Variants in GPT2 observed in about 807,000 individuals in gnomAD.
GPT2 encodes the protein glutamic--pyruvic transaminase 2.
In GPT2, 30 loss-of-function variants were observed where a neutral mutation model predicts 56.9. The ratio of observed to expected loss-of-function variants is 0.53; its 90% CI spans 0.39 to 0.72. GPT2 has a LOEUF of 0.72. Among genes scored for constraint, GPT2 ranks in the 30% least tolerant of loss-of-function variants. The probability of loss-of-function intolerance (pLI) is 0.00; values close to 1 mark genes in which losing one functional copy is unlikely to be tolerated. For synonymous variants in GPT2, 271 were observed against 283.1 expected (o/e 0.96, Z 0.43); for missense variants, 542 against 703.4 (o/e 0.77, Z 2.60).
intron 5 of GPT2, among the ~76,000 whole-genome samples, chr16:46,908,265 G>A (rs1282887411): frequency 6.7e-6 from 1 of 149,514 alleles, no homozygotes; most frequent in Non-Finnish European, 1.5e-5. Flanking sequence ...TCCCGGTGGG[G>A]GACTGGTGGA....
At chr16:46,926,567 G>A (rs916808755) in intron 10 of GPT2, among the ~76,000 whole-genome samples, 23 of 152,188 alleles carry the variant, frequency 1.5e-4, no homozygotes, top group Non-Finnish European at 2.2e-4. Flanking sequence ...AGAGAAGCTC[G>A]TTCCATGAAA....
rs767029665 is a variant in GPT2 at position 46,928,897 on chromosome 16, C to G, written c.1482-10C>G. 1 of 1,609,542 alleles carries G rather than the reference C, an allele frequency of 6.2e-7. No individual in the cohort carries two copies. The highest frequency in any genetic ancestry group is 8.5e-7 in the Non-Finnish European group (1 of 1,175,852). ...AGCAGCCAGGCTGACACTGTTGTCT[C>G]TCCTGCCAGGATGACTATCCTCCCT... On this transcript the variant is annotated splice_polypyrimidine_tract_variant and intron_variant, in intron 11 of 11. Transcript: ENST00000340124.
chr16:46,921,611 C>A (rs1247832079), intron 8 of GPT2, among the ~76,000 whole-genome samples: 1 of 152,116 alleles, frequency 6.6e-6, no homozygotes, highest in African/African-American at 2.4e-5. Context: ...ACGTTTGCAG[C>A]CACACACCAG....
At chr16:46,907,951 G>T (rs529308318) in intron 5 of GPT2, among the ~76,000 whole-genome samples, 87 of 152,166 alleles carry the variant, frequency 5.7e-4, no homozygotes, top group Non-Finnish European at 9.1e-4. Context: ...CCTGGGCTTG[G>T]GGGACTGGTG....
chr16:46,921,533 G>T (rs897110332), intron 8 of GPT2, among the ~76,000 whole-genome samples: 1 of 152,084 alleles, frequency 6.6e-6, no homozygotes, highest in African/African-American at 2.4e-5. Context: ...TGGGGGTGGG[G>T]GATGCATGGA....
Position 46,922,284 on chromosome 16 carries a change from C to T in GPT2, c.1080C>T (p.His360=). 6.2e-7 allele frequency: 1 copy of T among 1,614,130 alleles called. No homozygotes were observed. The highest frequency in any genetic ancestry group is 1.3e-5 in the African/African-American group (1 of 75,054). Residue 360 remains histidine, a synonymous_variant, in exon 9 of 12, where the codon CAC becomes CAT. Transcript: ENST00000340124. ...GCTACATGGAGGTGATCAACCTGCACCCTGAGATCAAGGGCCAGCTGGTGA... is the reference window on the plus strand; with the variant it reads ...GCTACATGGAGGTGATCAACCTGCATCCTGAGATCAAGGGCCAGCTGGTGA... ...RGGYMEVINL[H]PEIKGQLVKL...
intron 11 of GPT2, among the ~76,000 whole-genome samples, 183 bp downstream of exon 11, chr16:46,927,220 T>A (rs578156355): frequency 1.3e-5 from 2 of 152,220 alleles, no homozygotes; most frequent in South Asian, 4.1e-4. Flanking sequence ...ATTAAGAAAA[T>A]CTGGGTGGTT....
chr16:46,887,663 T>C (rs1960510422), intron 2 of GPT2, among the ~76,000 whole-genome samples: 1 of 151,892 alleles, frequency 6.6e-6, no homozygotes, highest in African/African-American at 2.4e-5. Flanking sequence ...CCTTGGGGAC[T>C]CAGGGTGACT....
intron 3 of GPT2, among the ~76,000 whole-genome samples, chr16:46,899,184 C>T (rs1406996973): frequency 3.3e-5 from 5 of 151,580 alleles, no homozygotes; most frequent in Non-Finnish European, 1.5e-5. Context: ...AGGTGTATGC[C>T]ACCACACCCA....
At position 46,900,693 on chromosome 16, in the gene GPT2, A is replaced by G. The variant is rs913543724; in HGVS notation, c.345A>G (p.Leu115=). ...TCTTGTTCCCCCAGGTGATGGCACT[A>G]TGCACCTACCCAAACCTGCTGGACA... ...PITFLRQVMA[L]CTYPNLLDSP... Residue 115 remains leucine (L), a synonymous_variant, in exon 4 of 12, where the codon CTA becomes CTG. Transcript: ENST00000340124. The G allele has an allele frequency of 2.9e-5, 47 of 1,613,520 alleles. No homozygotes were observed. Among genetic ancestry groups the G allele is most frequent in the African/African-American group, 4.0e-5 (3 of 74,850 alleles).
chr16:46,884,822 A>G lies in GPT2; in HGVS notation c.107A>G (p.Lys36Arg). ...GCCGCCGAGGCCTCGGCGGTGCTCA[A>G]GGTGCGGCCCGAGCGCAGCCGGCGC... ...SAAAEASAVLKVRPERSRRER... is the reference protein window; with the variant it reads ...SAAAEASAVLRVRPERSRRER... The change falls in exon 2 of 12, where the codon AAG (lysine) becomes AGG (arginine). Residue 36 changes from lysine to arginine, a missense_variant. Lys to Arg is a conservative substitution (Grantham distance 26, BLOSUM62 2). Transcript: ENST00000340124. 2.0e-6 allele frequency: 3 copies of G among 1,535,440 alleles called. No homozygotes were observed. Among genetic ancestry groups the G allele is most frequent in the Non-Finnish European group, 2.6e-6 (3 of 1,141,502 alleles).
In GPT2 at chr16:46,929,291, T is replaced by C. The variant is rs1254225123; in HGVS notation, c.*294T>C. On this transcript the variant is annotated 3_prime_UTR_variant, in exon 12 of 12. Transcript: ENST00000340124. ...GCTTCTGGAAAGTTCATTTGGGGTTTACAACAACTAGGATGTGTTGGGTGA... is the reference window on the plus strand; with the variant it reads ...GCTTCTGGAAAGTTCATTTGGGGTTCACAACAACTAGGATGTGTTGGGTGA... 5.3e-6 allele frequency: 2 copies of C among 380,650 alleles called. No homozygotes were observed. Among genetic ancestry groups the C allele is most frequent in the South Asian group, 6.6e-5 (2 of 30,502 alleles). 23.6% of individuals were successfully genotyped at this position (380,650 alleles called of 1,614,324 possible).
intron 7 of GPT2, 83 bp downstream of exon 7, chr16:46,916,790 A>G: frequency 1.1e-6 from 1 of 941,186 alleles, no homozygotes; most frequent in South Asian, 1.3e-5. Flanking sequence ...TTCTGCAGCC[A>G]GAGAGAACTG....
At chr16:46,924,688 C>A in intron 10 of GPT2, 144 bp downstream of exon 10, 1 of 835,456 alleles carries the variant, frequency 1.2e-6, no homozygotes, top group Non-Finnish European at 1.9e-6. Context: ...GGGTGTTGAC[C>A]GTGTAAAGAT....
chr16:46,913,553 A>G (rs1377528423), intron 6 of GPT2, among the ~76,000 whole-genome samples: 1 of 152,208 alleles, frequency 6.6e-6, no homozygotes, highest in Non-Finnish European at 1.5e-5. Flanking sequence ...GCAGAAGAAA[A>G]GTTGGTCCGT....
rs1014507490 is a variant in GPT2 at position 46,929,964 on chromosome 16, C to T, written c.*967C>T. 1 of 152,642 alleles carries T rather than the reference C, an allele frequency of 6.6e-6. No individual in the cohort carries two copies. Among genetic ancestry groups the T allele is most frequent in the Admixed American group, 6.5e-5 (1 of 15,276 alleles). The allele number at this position is 152,642 out of a possible 1,614,324, so 9.5% of individuals were successfully genotyped here. ...CACAAGGGCAATCCCCGGGACCTGC[C>T]GAGCAGCCAAGGCCCTGTCCTTTCT... On this transcript the variant is annotated 3_prime_UTR_variant, in exon 12 of 12. Coordinates refer to ENST00000340124, the MANE Select transcript of GPT2 (RefSeq NM_133443.4).
intron 10 of GPT2, among the ~76,000 whole-genome samples, chr16:46,925,700 T>C (rs551451586): frequency 6.6e-6 from 1 of 152,158 alleles, no homozygotes; most frequent in South Asian, 2.1e-4. Flanking sequence ...GGTGCATGCC[T>C]GTGGTCCCAG....
Position 46,906,848 on chromosome 16 carries a change from A to C in GPT2, c.449A>C (p.Tyr150Ser), listed in dbSNP as rs764779165. ...CTTGCCTGCTGTCTTACAGGGTCCTACAGTGCTAGCCAGGGTGTCAACTGC... is the reference window on the plus strand; with the variant it reads ...CTTGCCTGCTGTCTTACAGGGTCCTCCAGTGCTAGCCAGGGTGTCAACTGC... Reference protein sequence around the residue: ...QACGGNSLGSYSASQGVNCIR... With the variant: ...QACGGNSLGSSSASQGVNCIR... Residue 150 changes from tyrosine (Y) to serine (S), a missense_variant, in exon 5 of 12, where the codon TAC becomes TCC. By Grantham distance (144) the Tyr-to-Ser change is moderately radical. Transcript: ENST00000340124. The C allele has an allele frequency of 6.2e-7, 1 of 1,614,152 alleles. No homozygotes were observed. Among genetic ancestry groups the C allele is most frequent in the South Asian group, 1.1e-5 (1 of 91,082 alleles).
intron 1 of GPT2, 39 bp from the exon 2 acceptor site, chr16:46,884,655 G>C (rs1378129733): frequency 7.4e-7 from 1 of 1,355,390 alleles, no homozygotes; most frequent in East Asian, 2.8e-5. Context: ...CGCCTGGGCA[G>C]TGCGCGACGT....
Sources: gnomAD v4.1 joint callset for allele counts (sites outside exome capture counted in the v4.1 genomes callset) on GRCh38, gnomAD v4.1.1 for gene constraint, MANE v1.5 for transcripts, NCBI Gene and HGNC (gene_info 2026-07-23, HGNC 2026-07-21) for gene names.